Variants in ZMAT4 observed in about 807,000 individuals in gnomAD.
ZMAT4 encodes the protein zinc finger matrin-type protein 4.
ZMAT4 carries 17 observed loss-of-function variants against 28.7 expected under a neutral mutation model. The observed-to-expected ratio is 0.59, with a 90% CI of 0.41 to 0.89. The LOEUF is 0.89. Ranked by LOEUF, ZMAT4 falls within the 40% of genes least tolerant of loss-of-function variation. The pLI, the probability that ZMAT4 is intolerant of heterozygous loss-of-function variation, is 0.00. For missense variants in ZMAT4, 240 were observed against 283.8 expected (o/e 0.85, Z 1.11); for synonymous variants, 117 against 109.2 (o/e 1.07, Z -0.44).
chr8:40,646,558 G>A (rs1420468150), intron 5 of ZMAT4, among the ~76,000 whole-genome samples: 16 of 151,884 alleles, frequency 1.1e-4, no homozygotes, highest in Admixed American at 1.0e-3. Flanking sequence ...AAAATAAGAA[G>A]TATCCATTTA....
chr8:40,548,169 A>G (rs1301469496), intron 6 of ZMAT4, among the ~76,000 whole-genome samples: 1 of 152,100 alleles, frequency 6.6e-6, no homozygotes, highest in African/African-American at 2.4e-5. Context: ...TGTAGGAAGG[A>G]CCCTTCAGGC....
At chr8:40,572,526 T>G (rs936812720) in intron 6 of ZMAT4, among the ~76,000 whole-genome samples, 1 of 152,140 alleles carries the variant, frequency 6.6e-6, no homozygotes, top group Admixed American at 6.5e-5. Flanking sequence ...CTAGGTAACA[T>G]CATGTCCTGA....
chr8:40,599,401 A>ATG (rs1409723565), intron 5 of ZMAT4, among the ~76,000 whole-genome samples: 4 of 152,232 alleles, frequency 2.6e-5, no homozygotes, highest in Non-Finnish European at 4.4e-5. Flanking sequence ...GTGTGTATAT[A>ATG]TATGTGTGTG....
At chr8:40,893,814 C>G (rs1454251213) in intron 1 of ZMAT4, among the ~76,000 whole-genome samples, 1 of 152,114 alleles carries the variant, frequency 6.6e-6, no homozygotes. Context: ...TGATTCTTAC[C>G]CTCGTCCCAC....
chr8:40,699,669 C>T (rs1810048124), intron 3 of ZMAT4, among the ~76,000 whole-genome samples: 1 of 152,092 alleles, frequency 6.6e-6, no homozygotes, highest in African/African-American at 2.4e-5. Context: ...AAGTCTTACC[C>T]TTTTTTAAAA....
intron 3 of ZMAT4, among the ~76,000 whole-genome samples, chr8:40,701,506 ATTTTTTTT>A (rs58912869): frequency 5.4e-5 from 4 of 73,888 alleles, no homozygotes; most frequent in Non-Finnish European, 9.9e-5. Context: ...ACTATGCAGA[ATTTTTTTT>A]TTTTTTTTTT....
intron 5 of ZMAT4, among the ~76,000 whole-genome samples, chr8:40,627,980 G>T (rs1563373889): frequency 6.6e-6 from 1 of 152,156 alleles, no homozygotes; most frequent in Admixed American, 6.5e-5. Flanking sequence ...GTTAGAAAGA[G>T]ACTTCAAACA....
intron 5 of ZMAT4, among the ~76,000 whole-genome samples, chr8:40,604,707 G>T (rs1805520017): frequency 6.6e-6 from 1 of 151,980 alleles, no homozygotes. Context: ...TCCTTTCTTG[G>T]CTTTGCTATC....
chr8:40,881,553 A>AGAAG lies in ZMAT4; in HGVS notation c.-5+16129_-5+16130insCTTC, dbSNP rs1563263972. Among the ~76,000 whole-genome samples the AGAAG allele has an allele frequency of 1.0e-4, 9 of 86,238 alleles. 1 individual carries two copies. The highest frequency in any genetic ancestry group is 2.0e-4 in the Non-Finnish European group (8 of 40,064). The allele number at this position is 86,238 out of a possible 152,430, so 56.6% of individuals were successfully genotyped here. ...CAGAAAGAAAGAAAGAAAGAAAGAAAGAAAGAAAGAAAGAAAGAAAGAAAG... is the reference window on the plus strand; with the variant it reads ...CAGAAAGAAAGAAAGAAAGAAAGAAAGAAGGAAAGAAAGAAAGAAAGAAAGAAAG... On this transcript the variant is annotated intron_variant, in intron 1 of 6. Coordinates refer to ENST00000297737, the MANE Select transcript of ZMAT4 (RefSeq NM_024645.3).
intron 1 of ZMAT4, among the ~76,000 whole-genome samples, chr8:40,849,869 G>A (rs1817038849): frequency 6.6e-6 from 1 of 152,132 alleles, no homozygotes; most frequent in East Asian, 1.9e-4. Context: ...AGCCCAAAGA[G>A]TTCAACCAAA....
At chr8:40,743,900 G>A (rs1000358129) in intron 3 of ZMAT4, among the ~76,000 whole-genome samples, 6 of 152,212 alleles carry the variant, frequency 3.9e-5, no homozygotes, top group African/African-American at 1.4e-4. Context: ...GGTGCTGTTT[G>A]AGCAGATCCG....
chr8:40,624,368 T>C (rs1251139660), intron 5 of ZMAT4, among the ~76,000 whole-genome samples: 1 of 152,208 alleles, frequency 6.6e-6, no homozygotes, highest in East Asian at 1.9e-4. Context: ...AACCAGACCC[T>C]GATGGCATGC....
chr8:40,555,323 A>T (rs1803499137), intron 6 of ZMAT4, among the ~76,000 whole-genome samples: 1 of 152,174 alleles, frequency 6.6e-6, no homozygotes, highest in Non-Finnish European at 1.5e-5. Flanking sequence ...TTTCCTTTGG[A>T]TGAACACTCA....
At position 40,559,098 on chromosome 8, in the gene ZMAT4, A is replaced by G. The variant is rs189806642; in HGVS notation, c.674+22067T>C. Reference sequence around the variant, plus strand: ...CTGGCTTTGAGACAAGCAGTGTTGAAACAATTGCAGCTCGCCCACCACCAG... The same window carrying G: ...CTGGCTTTGAGACAAGCAGTGTTGAGACAATTGCAGCTCGCCCACCACCAG... On this transcript the variant is annotated intron_variant, in intron 6 of 6. Coordinates refer to ENST00000297737, the MANE Select transcript of ZMAT4 (RefSeq NM_024645.3). Among the ~76,000 whole-genome samples the G allele has an allele frequency of 8.9e-4, 135 of 152,302 alleles. 1 individual carries two copies. Among genetic ancestry groups the G allele is most frequent in the African/African-American group, 2.6e-3 (108 of 41,588 alleles).
chr8:40,858,866 G>T (rs566966277), intron 1 of ZMAT4, among the ~76,000 whole-genome samples: 2 of 152,138 alleles, frequency 1.3e-5, no homozygotes, highest in African/African-American at 4.8e-5. Flanking sequence ...TTTGTACACG[G>T]GTCTTTGCCA....
intron 5 of ZMAT4, among the ~76,000 whole-genome samples, chr8:40,653,019 C>T (rs1441061965): frequency 6.6e-6 from 1 of 151,650 alleles, no homozygotes; most frequent in Non-Finnish European, 1.5e-5. Flanking sequence ...ACCAGCATGG[C>T]ACATGTATAC....
intron 1 of ZMAT4, among the ~76,000 whole-genome samples, chr8:40,878,778 G>T (rs928612000): frequency 6.6e-6 from 1 of 152,200 alleles, no homozygotes; most frequent in African/African-American, 2.4e-5. Context: ...GGCCTCGGAG[G>T]CCTGTTTCCT....
intron 2 of ZMAT4, among the ~76,000 whole-genome samples, chr8:40,816,659 A>T (rs1333430603): frequency 3.9e-5 from 6 of 152,206 alleles, no homozygotes; most frequent in Non-Finnish European, 7.3e-5. Flanking sequence ...GAAAACCAGA[A>T]GGTTCTATTC....
At chr8:40,706,860 A>C (rs1433507342) in intron 3 of ZMAT4, among the ~76,000 whole-genome samples, 1 of 152,184 alleles carries the variant, frequency 6.6e-6, no homozygotes, top group Non-Finnish European at 1.5e-5. Flanking sequence ...ATTCAGTCCC[A>C]CTGAAAGGTT....
Sources: gnomAD v4.1 joint callset for allele counts (sites outside exome capture counted in the v4.1 genomes callset) on GRCh38, gnomAD v4.1.1 for gene constraint, MANE v1.5 for transcripts, NCBI Gene and HGNC (gene_info 2026-07-23, HGNC 2026-07-21) for gene names.